The following ILDR2 variants were observed in gnomAD, a reference collection of about 807,000 sequenced individuals.
The protein encoded by ILDR2 is immunoglobulin-like domain-containing receptor 2.
ILDR2 carries 25 observed loss-of-function variants against 66.8 expected under a neutral mutation model. The ratio of observed to expected loss-of-function variants is 0.37; its 90% confidence interval spans 0.27 to 0.52. The LOEUF (loss-of-function observed/expected upper bound fraction) is 0.52. Ranked by LOEUF, ILDR2 falls within the 20% of genes least tolerant of loss-of-function variation. The probability of loss-of-function intolerance (pLI) is 0.88; values close to 1 mark genes in which losing one functional copy is unlikely to be tolerated. For missense variants in ILDR2, 827 were observed against 876.8 expected (o/e 0.94, Z 0.72); for synonymous variants, 367 against 357.2 (o/e 1.03, Z -0.31).
chr1:166,941,153 T>C (rs1661293046), intron 3 of ILDR2, among the ~76,000 whole-genome samples: 1 of 152,188 alleles, frequency 6.6e-6, no homozygotes, highest in Admixed American at 6.5e-5. Context: ...CCAGAGTATA[T>C]TCCAAGGTAA....
At chr1:166,970,693 T>C (rs1325164512) in intron 1 of ILDR2, among the ~76,000 whole-genome samples, 1 of 152,176 alleles carries the variant, frequency 6.6e-6, no homozygotes, top group Non-Finnish European at 1.5e-5. Flanking sequence ...CTCATACTGA[T>C]ACTCAATTCT....
intron 3 of ILDR2, among the ~76,000 whole-genome samples, chr1:166,941,227 C>T (rs1337953931): frequency 1.3e-5 from 2 of 152,204 alleles, no homozygotes; most frequent in African/African-American, 4.8e-5. Flanking sequence ...CAGCTTCCTT[C>T]TTTCTGTCCC....
intron 3 of ILDR2, among the ~76,000 whole-genome samples, chr1:166,944,458 G>A (rs1026367011): frequency 9.9e-5 from 15 of 152,050 alleles, no homozygotes; most frequent in Admixed American, 7.2e-4. Flanking sequence ...AAATCTTCCC[G>A]CCAAATTAGT....
At chr1:166,961,482 G>C (rs1662611968) in intron 1 of ILDR2, among the ~76,000 whole-genome samples, 1 of 152,172 alleles carries the variant, frequency 6.6e-6, no homozygotes, top group Non-Finnish European at 1.5e-5. Flanking sequence ...CCTTTTTATA[G>C]CATGATACTT....
chr1:166,903,518 G>C (rs1020986462), downstream of ILDR2, among the ~76,000 whole-genome samples: 1 of 152,208 alleles, frequency 6.6e-6, no homozygotes, highest in Admixed American at 6.5e-5. Context: ...CTAGTCACAT[G>C]GCCACAACTC....
At chr1:166,955,629 T>G (rs1662234407) in intron 3 of ILDR2, among the ~76,000 whole-genome samples, 1 of 152,066 alleles carries the variant, frequency 6.6e-6, no homozygotes. Flanking sequence ...AAAATAATTT[T>G]TAAAAATAAA....
At chr1:166,920,433 T>A (rs1468492774) in intron 9 of ILDR2, among the ~76,000 whole-genome samples, 1 of 152,216 alleles carries the variant, frequency 6.6e-6, no homozygotes, top group African/African-American at 2.4e-5. Context: ...TAATGCTCCC[T>A]GTAAAACCAT....
At chr1:166,963,657 C>T (rs891590843) in intron 1 of ILDR2, among the ~76,000 whole-genome samples, 4 of 152,172 alleles carry the variant, frequency 2.6e-5, no homozygotes, top group Non-Finnish European at 4.4e-5. Flanking sequence ...CCATTCCCTC[C>T]AGGACAAAAT....
chr1:166,956,372 A>G (rs983184318), intron 3 of ILDR2, among the ~76,000 whole-genome samples: 3 of 152,228 alleles, frequency 2.0e-5, no homozygotes, highest in Non-Finnish European at 2.9e-5. Flanking sequence ...TTATCTGTGT[A>G]ATCTCTACCT....
downstream of ILDR2, among the ~76,000 whole-genome samples, chr1:166,906,497 T>C: frequency 6.6e-6 from 1 of 152,146 alleles, no homozygotes; most frequent in East Asian, 1.9e-4. Context: ...AACAACACAG[T>C]GTAGTCAAGC....
At chr1:166,972,247 T>C (rs1663348829) in intron 1 of ILDR2, among the ~76,000 whole-genome samples, 1 of 151,724 alleles carries the variant, frequency 6.6e-6, no homozygotes, top group South Asian at 2.1e-4. Context: ...GAAATGCTAA[T>C]TCATCAAGCA....
Position 166,908,731 on chromosome 1 carries a change from AT to A in ILDR2, c.*10623del, listed in dbSNP as rs11299869. 0.02 allele frequency: 3,048 copies of A among 152,372 alleles called. 44 individuals are homozygous for A. Among genetic ancestry groups the A allele is most frequent in the Admixed American group, 0.026 (392 of 15,302 alleles). 9.4% of individuals were successfully genotyped at this position (152,372 alleles called of 1,614,324 possible). On this transcript the variant is annotated 3_prime_UTR_variant, in exon 10 of 10. Coordinates refer to ENST00000271417, the MANE Select transcript of ILDR2 (RefSeq NM_199351.3). The stretch of plus-strand genomic sequence containing the variant: ...AATGAAGGCAGTGACACAGAGATGG[AT>A]TTCTAAATTCAGAACGAGACAAGTA...
chr1:166,936,305 C>T lies in ILDR2; in HGVS notation c.703+286G>A, dbSNP rs1660975854. Among the ~76,000 whole-genome samples the T allele has an allele frequency of 1.3e-5, 2 of 152,192 alleles. No homozygotes were observed. The highest frequency in any genetic ancestry group is 6.5e-5 in the Admixed American group (1 of 15,272). ...GAACAGTCTTACACCACAACCTCACCACGCCAAACCTGCCCTTCCATTTTA... is the reference window on the plus strand; with the variant it reads ...GAACAGTCTTACACCACAACCTCACTACGCCAAACCTGCCCTTCCATTTTA... On this transcript the variant is annotated intron_variant, in intron 5 of 9. Coordinates refer to ENST00000271417, the MANE Select transcript of ILDR2 (RefSeq NM_199351.3). This position sits in a 1 kb window ranked among gnomAD's most constrained non-coding sequence, Gnocchi z 5.0.
chr1:166,897,582 G>A (rs1297201090), intron 2 of ILDR2, among the ~76,000 whole-genome samples: 1 of 152,156 alleles, frequency 6.6e-6, no homozygotes, highest in East Asian at 1.9e-4. Context: ...GGAGGAGTGG[G>A]GACTTGGAGA....
intron 4 of ILDR2, among the ~76,000 whole-genome samples, chr1:166,938,639 A>G (rs1007012746): frequency 2.0e-5 from 3 of 152,226 alleles, no homozygotes; most frequent in Non-Finnish European, 4.4e-5. Flanking sequence ...CTCAATGGTA[A>G]AGAATCTGGA....
At chr1:166,958,344 G>C (rs530065033) in intron 1 of ILDR2, among the ~76,000 whole-genome samples, 6 of 152,144 alleles carry the variant, frequency 3.9e-5, no homozygotes, top group Non-Finnish European at 7.4e-5. Context: ...CCTGATGGGA[G>C]GTCACTGGAT....
rs189832157 is a variant in ILDR2 at position 166,911,110 on chromosome 1, C to G, written c.*8245G>C. On this transcript the variant is annotated 3_prime_UTR_variant, in exon 10 of 10. Coordinates refer to ENST00000271417, the MANE Select transcript of ILDR2 (RefSeq NM_199351.3). Reference sequence around the variant, plus strand: ...TACATCCATAATTTATTTGGCCACTCTTAACAATTAACAGCCTTCTGTTCA... The same window carrying G: ...TACATCCATAATTTATTTGGCCACTGTTAACAATTAACAGCCTTCTGTTCA... 18 of 152,314 alleles carry G rather than the reference C, an allele frequency of 1.2e-4. No homozygotes were observed. The highest frequency in any genetic ancestry group is 4.1e-4 in the African/African-American group (17 of 41,566). The allele number at this position is 152,314 out of a possible 1,614,324, so 9.4% of individuals were successfully genotyped here.
At chr1:166,938,403 CTCTT>C (rs532582654) in intron 4 of ILDR2, among the ~76,000 whole-genome samples, 55 of 152,322 alleles carry the variant, frequency 3.6e-4, no homozygotes, top group Admixed American at 2.9e-3. Context: ...AACACAGTAA[CTCTT>C]TCTTGAGACT....
rs1451666767 is a variant in ILDR2 at position 166,902,034 on chromosome 1, AT to A, written n.171+5018del. On this transcript the variant is annotated intron_variant and non_coding_transcript_variant, in intron 2 of 2. Transcript: ENST00000414590. ...TGCCAGCATGCCCGGCTAATTTTTCATTTTTAGTAGATATGAGGTTTCTCCA... is the reference window on the plus strand; with the variant it reads ...TGCCAGCATGCCCGGCTAATTTTTCATTTTAGTAGATATGAGGTTTCTCCA... Among the ~76,000 whole-genome samples the A allele has an allele frequency of 2.0e-5, 3 of 152,010 alleles. No individual in the cohort carries two copies. In the East Asian group the frequency reaches 5.8e-4, roughly 29 times the overall value.
Sources: gnomAD v4.1 joint callset for allele counts (sites outside exome capture counted in the v4.1 genomes callset) on GRCh38, gnomAD v4.1.1 for gene constraint, Gnocchi (gnomAD v3.1) non-coding constraint, MANE v1.5 for transcripts, NCBI Gene and HGNC (gene_info 2026-07-23, HGNC 2026-07-21) for gene names.